ABCD3: variants seen among roughly 807,000 people sequenced by gnomAD.
ABCD3 encodes ATP binding cassette subfamily D member 3.
A neutral mutation model predicts 105.5 loss-of-function variants in ABCD3; 41 were observed. The observed-to-expected ratio is 0.39, with a 90% CI of 0.30 to 0.50. The LOEUF (loss-of-function observed/expected upper bound fraction) is 0.50, where lower values mean the gene tolerates loss of function less well. ABCD3 is among the 20% of genes least tolerant of loss of function. The pLI is 0.84. For synonymous variants in ABCD3, 258 were observed against 269.0 expected (o/e 0.96, Z 0.40); for missense variants, 622 against 806.3 (o/e 0.77, Z 2.77).
At chr1:94,420,203 A>G (rs556705871) in intron 1 of ABCD3, among the ~76,000 whole-genome samples, 12 of 152,326 alleles carry the variant, frequency 7.9e-5, no homozygotes, top group African/African-American at 9.6e-5. Context: ...CACTCGTGTA[A>G]TCAGCACCCA....
chr1:94,495,036 G>A (rs1029410776), intron 16 of ABCD3, among the ~76,000 whole-genome samples: 1 of 152,064 alleles, frequency 6.6e-6, no homozygotes, highest in African/African-American at 2.4e-5. Flanking sequence ...AGCGGAGATC[G>A]CACCACTATA....
chr1:94,410,267 A>G, the ABCD3 span, among the ~76,000 whole-genome samples: 8 of 152,216 alleles, frequency 5.3e-5, no homozygotes, highest in African/African-American at 1.9e-4. Context: ...TTGTATATCC[A>G]GCACAACTTT....
intron 1 of ABCD3, among the ~76,000 whole-genome samples, chr1:94,430,527 A>C (rs1204185206): frequency 1.3e-5 from 2 of 152,148 alleles, no homozygotes; most frequent in Admixed American, 1.3e-4. Context: ...GTCTCATGCG[A>C]TCTGATACTT....
At chr1:94,391,003 T>C in the ABCD3 span, among the ~76,000 whole-genome samples, 1 of 152,212 alleles carries the variant, frequency 6.6e-6, no homozygotes, top group African/African-American at 2.4e-5. Flanking sequence ...TCTTGAAAAG[T>C]CTGAGGATTT....
the ABCD3 span, chr1:94,406,475 TGGAACA>T: frequency 9.4e-6 from 4 of 425,976 alleles, no homozygotes; most frequent in African/African-American, 8.3e-5. Context: ...CTTCTCTGGG[TGGAACA>T]GGCTGGCGCT....
the ABCD3 span, among the ~76,000 whole-genome samples, chr1:94,408,749 T>C: frequency 0.029 from 4,454 of 152,270 alleles, 104 homozygotes; most frequent in South Asian, 0.11. Flanking sequence ...TGGATTTTAT[T>C]CTTAATGTGA....
At chr1:94,453,874 G>T (rs1189425222) in intron 1 of ABCD3, among the ~76,000 whole-genome samples, 2 of 146,194 alleles carry the variant, frequency 1.4e-5, no homozygotes, top group Non-Finnish European at 3.0e-5. Flanking sequence ...TGCTTGGGTG[G>T]TTTTAAATTT....
At position 94,455,859 on chromosome 1, in the gene ABCD3, G is replaced by C. The variant is rs979082422; in HGVS notation, c.111-2748G>C. 6.4e-6 allele frequency: 8 copies of C among 1,248,592 alleles called. No homozygotes were observed. The African/African-American group carries it at 1.3e-4, about 20-fold the overall frequency. 77.3% of individuals were successfully genotyped at this position (1,248,592 alleles called of 1,614,324 possible). A position where few individuals can be genotyped will look rare whatever the true frequency, so the allele number is the denominator to read the frequency against. ...TATTTTTGTGAGCATCGTACTGCAT[G>C]AATCTCCATTTATCTCTAAGTATCA... On this transcript the variant is annotated intron_variant, in intron 1 of 22. Transcript: ENST00000370214.
intron 1 of ABCD3, among the ~76,000 whole-genome samples, chr1:94,452,766 T>A (rs1647320327): frequency 6.6e-6 from 1 of 152,072 alleles, no homozygotes; most frequent in Non-Finnish European, 1.5e-5. Context: ...AGACAGAGCC[T>A]TGCTCTGTTT....
chr1:94,458,481 C>A, intron 1 of ABCD3, 126 bp from the exon 2 acceptor site: 1 of 820,922 alleles, frequency 1.2e-6, no homozygotes, highest in Non-Finnish European at 2.0e-6. Flanking sequence ...TATGTTCTAT[C>A]TCACTATGAT....
intron 10 of ABCD3, among the ~76,000 whole-genome samples, chr1:94,485,007 C>T (rs1035698329): frequency 5.9e-5 from 9 of 152,022 alleles, no homozygotes; most frequent in African/African-American, 9.7e-5. Flanking sequence ...TATTCAGCTC[C>T]GCTACTCAAG....
At chr1:94,424,359 A>G (rs1659384993) in intron 1 of ABCD3, among the ~76,000 whole-genome samples, 1 of 151,480 alleles carries the variant, frequency 6.6e-6, no homozygotes, top group Non-Finnish European at 1.5e-5. Context: ...TACTCTCCCC[A>G]CTCTTTCAGT....
the ABCD3 span, among the ~76,000 whole-genome samples, chr1:94,388,141 T>C: frequency 6.6e-6 from 1 of 152,176 alleles, no homozygotes; most frequent in South Asian, 2.1e-4. Flanking sequence ...ACAAGTAAAA[T>C]TATTTCAAGG....
the ABCD3 span, among the ~76,000 whole-genome samples, chr1:94,400,699 AC>A: frequency 2.1e-4 from 32 of 152,338 alleles, no homozygotes; most frequent in African/African-American, 7.5e-4. Context: ...GCTGCAGCTC[AC>A]TGTCAAACTA....
At chr1:94,439,390 C>G (rs1373917959) in intron 1 of ABCD3, among the ~76,000 whole-genome samples, 3 of 151,686 alleles carry the variant, frequency 2.0e-5, no homozygotes, top group Non-Finnish European at 4.4e-5. Flanking sequence ...ACCTATAATC[C>G]CAGCACTTTG....
At chr1:94,501,366 A>G (rs1286923214) in intron 20 of ABCD3, among the ~76,000 whole-genome samples, 1 of 152,112 alleles carries the variant, frequency 6.6e-6, no homozygotes, top group Non-Finnish European at 1.5e-5. Context: ...GAGCATGGCC[A>G]AGCCATTGTC....
At chr1:94,420,610 A>C (rs1011635175) in intron 1 of ABCD3, among the ~76,000 whole-genome samples, 3 of 152,190 alleles carry the variant, frequency 2.0e-5, no homozygotes, top group African/African-American at 4.8e-5. Flanking sequence ...GCAGATAATC[A>C]TGAAGTTTAA....
At chr1:94,478,996 T>G (rs1648901618) in intron 8 of ABCD3, among the ~76,000 whole-genome samples, 1 of 152,232 alleles carries the variant, frequency 6.6e-6, no homozygotes, top group South Asian at 2.1e-4. Flanking sequence ...TTGTTACATA[T>G]TTATAACACA....
intron 1 of ABCD3, among the ~76,000 whole-genome samples, chr1:94,453,466 C>T (rs1021392493): frequency 1.1e-4 from 17 of 151,726 alleles, no homozygotes; most frequent in African/African-American, 3.9e-4. Context: ...CTACAGGTGC[C>T]CGCCACCTCG....
Sources: allele counts gnomAD v4.1 joint callset (sites outside exome capture counted in the v4.1 genomes callset), GRCh38; gene constraint gnomAD v4.1.1; transcripts MANE v1.5; gene names NCBI Gene and HGNC (gene_info 2026-07-23, HGNC 2026-07-21).